COL21A1: variants seen among roughly 807,000 people sequenced by gnomAD.
COL21A1 encodes the protein collagen alpha-1(XXI) chain.
In COL21A1, 149 loss-of-function variants were observed where a neutral mutation model predicts 137.9. The observed-to-expected ratio is 1.08, with a 90% CI of 0.95 to 1.24. The LOEUF (loss-of-function observed/expected upper bound fraction) is 1.24. COL21A1 is among the 50% of genes most tolerant of loss of function. COL21A1 has a pLI of 0.00. For synonymous variants in COL21A1, 456 were observed against 391.5 expected, an observed-to-expected ratio of 1.16 and a Z score of -1.95; for missense variants, 1,167 against 1,158.4, an observed-to-expected ratio of 1.01 and a Z score of -0.11.
intron 1 of COL21A1, among the ~76,000 whole-genome samples, chr6:56,194,555 C>A (rs1778902731): frequency 6.6e-6 from 1 of 151,984 alleles, no homozygotes; most frequent in Non-Finnish European, 1.5e-5. Context: ...TAGTATGGGG[C>A]AATGCAAAAT....
chr6:56,317,843 T>C (rs1764771983), intron 1 of COL21A1, among the ~76,000 whole-genome samples: 1 of 152,148 alleles, frequency 6.6e-6, no homozygotes, highest in Non-Finnish European at 1.5e-5. Context: ...CTTGATCTCT[T>C]GGAGTATTTT....
At chr6:56,134,100 T>C (rs571634597) in intron 12 of COL21A1, among the ~76,000 whole-genome samples, 3 of 152,270 alleles carry the variant, frequency 2.0e-5, no homozygotes, top group African/African-American at 7.2e-5. Flanking sequence ...ACCGATAGCT[T>C]GCACCATGCA....
chr6:56,290,780 G>C (rs1482862472), intron 1 of COL21A1, among the ~76,000 whole-genome samples: 2 of 152,060 alleles, frequency 1.3e-5, no homozygotes, highest in Admixed American at 6.6e-5. Flanking sequence ...GATTACAGGC[G>C]TGAGCCACCA....
intron 20 of COL21A1, among the ~76,000 whole-genome samples, chr6:56,073,018 C>T (rs1451628729): frequency 6.6e-6 from 1 of 151,158 alleles, no homozygotes; most frequent in Non-Finnish European, 1.5e-5. Flanking sequence ...GTAGACAGCA[C>T]ACATTGTTCT....
At chr6:56,231,150 T>A (rs1475145585) in intron 1 of COL21A1, 1 of 151,852 alleles carries the variant, frequency 6.6e-6, no homozygotes, top group Non-Finnish European at 1.5e-5. Context: ...GAAGAAACAA[T>A]CAATGTGAAT....
At position 56,392,784 on chromosome 6, in the gene COL21A1, C is replaced by T. The variant is rs527411263; in HGVS notation, c.-39+1187G>A. Among the ~76,000 whole-genome samples, 3 of 151,956 alleles carry T rather than the reference C, an allele frequency of 2.0e-5. No individual in the cohort carries two copies. In the South Asian group the frequency reaches 6.2e-4, roughly 32 times the overall value. The stretch of plus-strand genomic sequence containing the variant: ...AATTAAATGCCTAGGAATAATCTTA[C>T]CCAATGAAGTAAGAGATCTCTACAA... On this transcript the variant is annotated intron_variant, in intron 1 of 28. Coordinates refer to the COL21A1 transcript ENST00000370819.
intron 1 of COL21A1, among the ~76,000 whole-genome samples, chr6:56,269,709 C>T (rs9382601): frequency 0.26 from 38,564 of 149,914 alleles, 6,220 homozygotes; most frequent in East Asian, 0.67. Context: ...CAAAGGGAAC[C>T]CCATCAGGCT....
At chr6:56,382,574 T>A (rs1050811084) in intron 1 of COL21A1, among the ~76,000 whole-genome samples, 1 of 151,988 alleles carries the variant, frequency 6.6e-6, no homozygotes, top group African/African-American at 2.4e-5. Context: ...CTAAATGAAG[T>A]CATAAGGGAG....
intron 24 of COL21A1, among the ~76,000 whole-genome samples, chr6:56,063,086 G>A (rs975582182): frequency 2.0e-5 from 3 of 152,082 alleles, no homozygotes; most frequent in African/African-American, 7.2e-5. Flanking sequence ...CTGGCCCTGG[G>A]TACTCCATGT....
At chr6:56,222,002 G>T (rs1184981074) in intron 1 of COL21A1, among the ~76,000 whole-genome samples, 1 of 152,068 alleles carries the variant, frequency 6.6e-6, no homozygotes, top group Non-Finnish European at 1.5e-5. Flanking sequence ...GCCAGGCATG[G>T]TGGCTCACAC....
intron 3 of COL21A1, among the ~76,000 whole-genome samples, chr6:56,172,194 T>A (rs1395548625): frequency 6.6e-6 from 1 of 152,004 alleles, no homozygotes; most frequent in Admixed American, 6.6e-5. Context: ...ATATGCTAAG[T>A]TAAACCCAAA....
intron 1 of COL21A1, among the ~76,000 whole-genome samples, chr6:56,193,939 G>A (rs998759351): frequency 6.6e-6 from 1 of 151,988 alleles, no homozygotes; most frequent in African/African-American, 2.4e-5. Context: ...ATTTTTAGTA[G>A]AGACTGGGTT....
chr6:56,076,296 C>A (rs911892707), intron 18 of COL21A1, among the ~76,000 whole-genome samples: 23 of 151,396 alleles, frequency 1.5e-4, no homozygotes, highest in African/African-American at 5.1e-4. Flanking sequence ...GTCTTCATTT[C>A]CTAGTTAGGC....
At chr6:56,116,278 AAAAT>A (rs1771909387) in intron 16 of COL21A1, among the ~76,000 whole-genome samples, 2 of 151,950 alleles carry the variant, frequency 1.3e-5, no homozygotes, top group South Asian at 4.1e-4. Context: ...GCAAACGACA[AAAAT>A]AAATAAATAA....
At chr6:56,273,723 T>C (rs980468515) in intron 1 of COL21A1, among the ~76,000 whole-genome samples, 7 of 152,072 alleles carry the variant, frequency 4.6e-5, no homozygotes, top group Admixed American at 3.9e-4. Flanking sequence ...AAAATTGAAT[T>C]AGTAATAATA....
At chr6:56,373,809 C>T (rs115618894) in intron 1 of COL21A1, among the ~76,000 whole-genome samples, 2 of 152,110 alleles carry the variant, frequency 1.3e-5, no homozygotes, top group Non-Finnish European at 2.9e-5. Flanking sequence ...TATTATTAAC[C>T]AGTGAGGGTA....
intron 1 of COL21A1, among the ~76,000 whole-genome samples, chr6:56,303,117 G>C (rs915370114): frequency 1.3e-5 from 2 of 152,218 alleles, no homozygotes; most frequent in African/African-American, 4.8e-5. Context: ...GTACCATGCT[G>C]TTTTGGTTAC....
At chr6:56,309,967 G>A (rs187787101) in intron 1 of COL21A1, among the ~76,000 whole-genome samples, 1 of 152,336 alleles carries the variant, frequency 6.6e-6, no homozygotes, top group East Asian at 1.9e-4. Context: ...TAGGGAGACT[G>A]TAGTCATAAT....
chr6:56,237,761 A>T (rs1562013794), intron 1 of COL21A1, among the ~76,000 whole-genome samples: 1 of 152,142 alleles, frequency 6.6e-6, no homozygotes, highest in African/African-American at 2.4e-5. Context: ...ACATACATAA[A>T]TGGCTCTAAC....
Sources: gnomAD v4.1 joint callset for allele counts (sites outside exome capture counted in the v4.1 genomes callset) on GRCh38, gnomAD v4.1.1 for gene constraint, MANE v1.5 for transcripts, NCBI Gene and HGNC (gene_info 2026-07-23, HGNC 2026-07-21) for gene names.